Variants in LSAMP observed in about 807,000 individuals in gnomAD.
The protein encoded by LSAMP is limbic system associated membrane protein.
LSAMP carries 7 observed loss-of-function variants against 38.6 expected under a neutral mutation model. The observed-to-expected ratio is 0.18, with a 90% CI of 0.10 to 0.34. The LOEUF (loss-of-function observed/expected upper bound fraction) is 0.34, where lower values mean the gene tolerates loss of function less well. Among genes scored for constraint, LSAMP ranks in the 10% least tolerant of loss-of-function variants. LSAMP has a pLI of 1.00. For synonymous variants in LSAMP, 154 were observed against 166.8 expected (o/e 0.92, Z 0.59); for missense variants, 313 against 420.0 (o/e 0.75, Z 2.23).
At chr3:115,965,693 C>A (rs1576264229) in intron 3 of LSAMP, among the ~76,000 whole-genome samples, 3 of 146,108 alleles carry the variant, frequency 2.1e-5, no homozygotes, top group African/African-American at 2.5e-5. Flanking sequence ...AAAAGAAAGA[C>A]AAACAACACA....
chr3:116,109,750 G>C (rs1708555646), intron 1 of LSAMP, among the ~76,000 whole-genome samples: 1 of 152,010 alleles, frequency 6.6e-6, no homozygotes, highest in Non-Finnish European at 1.5e-5. Flanking sequence ...TGAGGGAGAA[G>C]GAGGAGGAAT....
At chr3:116,333,854 A>T (rs2047885611) in intron 1 of LSAMP, among the ~76,000 whole-genome samples, 1 of 151,898 alleles carries the variant, frequency 6.6e-6, no homozygotes, top group African/African-American at 2.4e-5. Flanking sequence ...AAAAAGACAA[A>T]TTAAATCCAA....
intron 3 of LSAMP, among the ~76,000 whole-genome samples, chr3:116,008,105 A>G (rs1940212660): frequency 6.6e-6 from 1 of 152,202 alleles, no homozygotes; most frequent in African/African-American, 2.4e-5. Context: ...TTAAGTCTTT[A>G]TTGTGTTCTG....
At chr3:115,846,045 T>C (rs940947566) in intron 4 of LSAMP, among the ~76,000 whole-genome samples, 1 of 152,234 alleles carries the variant, frequency 6.6e-6, no homozygotes, top group Non-Finnish European at 1.5e-5. Flanking sequence ...TCATGGCTTA[T>C]TGAAATGAAC....
intron 3 of LSAMP, among the ~76,000 whole-genome samples, chr3:116,005,280 A>C (rs1432449801): frequency 1.3e-5 from 2 of 152,096 alleles, no homozygotes; most frequent in Non-Finnish European, 2.9e-5. Context: ...ATCAATAATA[A>C]ATTTTCTGGA....
intron 1 of LSAMP, among the ~76,000 whole-genome samples, chr3:116,231,995 TA>T (rs1211555533): frequency 3.3e-5 from 5 of 152,218 alleles, no homozygotes; most frequent in Middle Eastern, 3.2e-3. Flanking sequence ...TTAAGTCTTG[TA>T]TCCCTGATAT....
intron 1 of LSAMP, among the ~76,000 whole-genome samples, chr3:116,377,077 T>A (rs752476078): frequency 9.9e-5 from 15 of 152,052 alleles, no homozygotes; most frequent in Non-Finnish European, 1.8e-4. Flanking sequence ...TTTATTCTAA[T>A]TTTTATTTTA....
At chr3:116,285,550 T>A (rs1024628964) in intron 1 of LSAMP, among the ~76,000 whole-genome samples, 7 of 151,942 alleles carry the variant, frequency 4.6e-5, no homozygotes, top group Non-Finnish European at 8.8e-5. Flanking sequence ...TTTTTTTTTT[T>A]AAAGGATAGT....
intron 1 of LSAMP, among the ~76,000 whole-genome samples, chr3:116,222,330 T>C (rs1275261994): frequency 6.6e-6 from 1 of 151,806 alleles, no homozygotes; most frequent in Non-Finnish European, 1.5e-5. Context: ...CTGCATCCTA[T>C]GGGTTGACAG....
At chr3:116,039,082 AG>A (rs1941110291) in intron 2 of LSAMP, among the ~76,000 whole-genome samples, 2 of 152,336 alleles carry the variant, frequency 1.3e-5, no homozygotes, top group Admixed American at 1.3e-4. Context: ...AGAGAACCAC[AG>A]GCATAGAGAA....
In LSAMP at chr3:115,810,221, ATCTCTCTCTCTC is replaced by A; in HGVS notation, c.*84_*95del. 1 of 648,422 alleles carries A rather than the reference ATCTCTCTCTCTC, an allele frequency of 1.5e-6. No individual in the cohort carries two copies. The highest frequency in any genetic ancestry group is 2.5e-6 in the Non-Finnish European group (1 of 393,770). The allele number at this position is 648,422 out of a possible 1,614,324, so 40.2% of individuals were successfully genotyped here. The stretch of plus-strand genomic sequence containing the variant: ...AGTTGTGAAATAAACGGTCTCCCCC[ATCTCTCTCTCTC>A]TCTCTCTCTCTGTCTCTCTCTCTCT... On this transcript the variant is annotated 3_prime_UTR_variant, in exon 7 of 7. Transcript: ENST00000490035.
chr3:116,056,875 A>AC (rs1941499493), intron 2 of LSAMP, among the ~76,000 whole-genome samples: 1 of 152,144 alleles, frequency 6.6e-6, no homozygotes, highest in Admixed American at 6.6e-5. Context: ...CACTAAGTAA[A>AC]TTTTTAGTGA....
chr3:115,874,855 AAGG>A lies in LSAMP; in HGVS notation c.515-22241_515-22239del, dbSNP rs558396260. Among the ~76,000 whole-genome samples, 79 of 152,200 alleles carry A rather than the reference AAGG, an allele frequency of 5.2e-4. No individual in the cohort carries two copies. The South Asian group carries it at 0.014, about 27-fold the overall frequency. Reference sequence around the variant, plus strand: ...AAAAAGCCACTGAAGTGGAGATCCAAAGGAGAAGTATTTTCTTCTCAAATGAGG... The same window carrying A: ...AAAAAGCCACTGAAGTGGAGATCCAAAGAAGTATTTTCTTCTCAAATGAGG... On this transcript the variant is annotated intron_variant, in intron 3 of 6. Coordinates refer to ENST00000490035, the MANE Select transcript of LSAMP (RefSeq NM_002338.5).
At chr3:115,859,430 A>G (rs1302466834) in intron 3 of LSAMP, among the ~76,000 whole-genome samples, 1 of 151,514 alleles carries the variant, frequency 6.6e-6, no homozygotes, top group Non-Finnish European at 1.5e-5. Flanking sequence ...AGGAATGGAA[A>G]TGAAAGGAGA....
At chr3:115,953,871 G>T (rs1938371939) in intron 3 of LSAMP, among the ~76,000 whole-genome samples, 1 of 152,074 alleles carries the variant, frequency 6.6e-6, no homozygotes, top group African/African-American at 2.4e-5. Flanking sequence ...CCTGTGCCTG[G>T]AATGCTCTGC....
intron 1 of LSAMP, among the ~76,000 whole-genome samples, chr3:116,367,183 C>T (rs946180941): frequency 1.3e-5 from 2 of 152,142 alleles, no homozygotes; most frequent in African/African-American, 4.8e-5. Context: ...TCCTATGTTT[C>T]TTGAATATGA....
intron 2 of LSAMP, among the ~76,000 whole-genome samples, chr3:116,043,895 A>G (rs966476820): frequency 2.0e-5 from 3 of 152,220 alleles, no homozygotes; most frequent in African/African-American, 7.2e-5. Context: ...GCACTGAGCC[A>G]AGATCGCGCC....
At chr3:116,190,088 G>GACAC (rs3071108) in intron 1 of LSAMP, among the ~76,000 whole-genome samples, 5,963 of 142,678 alleles carry the variant, frequency 0.042, 158 homozygotes, top group African/African-American at 0.064. Flanking sequence ...TCCAGTAGTA[G>GACAC]ACACACACAC....
intron 3 of LSAMP, among the ~76,000 whole-genome samples, chr3:115,970,080 A>C (rs150798098): frequency 0.022 from 3,300 of 152,298 alleles, 74 homozygotes; most frequent in African/African-American, 0.063. Flanking sequence ...TGAAAAATTG[A>C]GGGCGAAAGG....
Sources: allele counts gnomAD v4.1 joint callset (sites outside exome capture counted in the v4.1 genomes callset), GRCh38; gene constraint gnomAD v4.1.1; transcripts MANE v1.5; gene names NCBI Gene and HGNC (gene_info 2026-07-23, HGNC 2026-07-21).